ESRRB: variants seen among roughly 807,000 people sequenced by gnomAD.
ESRRB encodes the protein estrogen related receptor beta.
Under a neutral mutation model 46.0 loss-of-function variants are expected in ESRRB, and 16 were observed. That is an observed-to-expected ratio of 0.35 (90% CI 0.24 to 0.53). The LOEUF (loss-of-function observed/expected upper bound fraction) is 0.53. Ranked by LOEUF, ESRRB falls within the 20% of genes least tolerant of loss-of-function variation. ESRRB has a pLI of 0.93. For synonymous variants in ESRRB, 246 were observed against 259.6 expected, an observed-to-expected ratio of 0.95 and a Z score of 0.50; for missense variants, 488 against 607.4, an observed-to-expected ratio of 0.80 and a Z score of 2.07.
intron 2 of ESRRB, among the ~76,000 whole-genome samples, chr14:76,449,134 A>G (rs1422081143): frequency 6.6e-6 from 1 of 152,018 alleles, no homozygotes; most frequent in Non-Finnish European, 1.5e-5. Flanking sequence ...CCATAAGGGG[A>G]GTTCTTTTTT....
intron 1 of ESRRB, among the ~76,000 whole-genome samples, chr14:76,413,491 G>T (rs900502516): frequency 6.6e-6 from 1 of 152,038 alleles, no homozygotes; most frequent in African/African-American, 2.4e-5. Context: ...ACACCTACTT[G>T]TCCTTCAAGA....
chr14:76,475,468 G>A (rs781112068), intron 3 of ESRRB, among the ~76,000 whole-genome samples: 2 of 151,934 alleles, frequency 1.3e-5, no homozygotes, highest in African/African-American at 2.4e-5. Flanking sequence ...TTTTTAAAGT[G>A]CATTCATGTT....
chr14:76,499,628 T>C lies in ESRRB; in HGVS notation c.*1170T>C. 1.7e-6 allele frequency: 1 copy of C among 582,538 alleles called. No homozygotes were observed. 36.1% of individuals were successfully genotyped at this position (582,538 alleles called of 1,614,324 possible). A position where few individuals can be genotyped will look rare whatever the true frequency, so the allele number is the denominator to read the frequency against. Reference sequence around the variant, plus strand: ...CCTACCACACTTGGGCTACCAGAGGTTTGGTGTAGCTCCCCTGGGCACCGC... The same window carrying C: ...CCTACCACACTTGGGCTACCAGAGGCTTGGTGTAGCTCCCCTGGGCACCGC... On this transcript the variant is annotated 3_prime_UTR_variant, in exon 7 of 7. Coordinates refer to ENST00000644823, the MANE Select transcript of ESRRB (RefSeq NM_001379180.1).
At chr14:76,491,321 C>A in intron 5 of ESRRB, 126 bp from the exon 6 acceptor site, 1 of 875,958 alleles carries the variant, frequency 1.1e-6, no homozygotes, top group Non-Finnish European at 1.8e-6. Context: ...GGGGCAGGAT[C>A]CAGGGGTGCC....
At chr14:76,434,300 G>C (rs931123257) in intron 1 of ESRRB, among the ~76,000 whole-genome samples, 1 of 152,184 alleles carries the variant, frequency 6.6e-6, no homozygotes, top group African/African-American at 2.4e-5. Flanking sequence ...AGAGAGCACT[G>C]TGCCTCTCTC....
chr14:76,352,011 C>CAAAAAAAAAAAAAAAA (rs1884319857), intron 1 of ESRRB, among the ~76,000 whole-genome samples: 3 of 109,042 alleles, frequency 2.8e-5, no homozygotes, highest in East Asian at 2.4e-4. Context: ...AAAAAAAAAG[C>CAAAAAAAAAAAAAAAA]AAACTCCAAG....
chr14:76,456,038 GCACACACACACACACACA>G (rs60824171), intron 2 of ESRRB, among the ~76,000 whole-genome samples: 1 of 137,290 alleles, frequency 7.3e-6, no homozygotes, highest in South Asian at 2.5e-4. Flanking sequence ...AGCGAAACTC[GCACACACACACACACACA>G]CACACACACA....
chr14:76,381,963 C>T (rs906610952), intron 1 of ESRRB, among the ~76,000 whole-genome samples: 8 of 152,184 alleles, frequency 5.3e-5, no homozygotes, highest in Non-Finnish European at 1.2e-4. Context: ...CTCTAAGGTG[C>T]CCTTCTGTAC....
chr14:76,458,998 C>T (rs1888740259), intron 2 of ESRRB, among the ~76,000 whole-genome samples: 1 of 152,092 alleles, frequency 6.6e-6, no homozygotes, highest in African/African-American at 2.4e-5. Context: ...GTGTGCACCA[C>T]CACACCTGGC....
intron 2 of ESRRB, among the ~76,000 whole-genome samples, chr14:76,447,050 C>G (rs1372129188): frequency 1.3e-5 from 2 of 152,202 alleles, no homozygotes; most frequent in Non-Finnish European, 1.5e-5. Context: ...GATGCACTCT[C>G]TTCCATGTTC....
chr14:76,450,815 G>A (rs914327742), intron 2 of ESRRB, among the ~76,000 whole-genome samples: 7 of 152,160 alleles, frequency 4.6e-5, no homozygotes, highest in African/African-American at 1.7e-4. Flanking sequence ...TGCTGGTCCC[G>A]GCCCAGTCAC....
At chr14:76,389,477 G>C (rs1478438323) in intron 1 of ESRRB, among the ~76,000 whole-genome samples, 2 of 152,194 alleles carry the variant, frequency 1.3e-5, no homozygotes, top group East Asian at 3.8e-4. Flanking sequence ...GGGAGCCCTT[G>C]GGGGAAAAGA....
upstream of ESRRB, among the ~76,000 whole-genome samples, chr14:76,368,034 T>G (rs545170066): frequency 7.1e-6 from 1 of 141,088 alleles, no homozygotes; most frequent in Admixed American, 7.8e-5. Flanking sequence ...CTCACTGAAG[T>G]CCCCTCCTCC....
At chr14:76,384,644 C>T (rs555539259) in intron 1 of ESRRB, among the ~76,000 whole-genome samples, 10 of 152,288 alleles carry the variant, frequency 6.6e-5, no homozygotes, top group Admixed American at 1.3e-4. Flanking sequence ...CCACTACTGC[C>T]GGCTTCTATG....
At chr14:76,439,273 C>CG in intron 1 of ESRRB, 68 bp from the exon 2 acceptor site, 1 of 1,565,316 alleles carries the variant, frequency 6.4e-7, no homozygotes, top group Non-Finnish European at 8.8e-7. Context: ...ACCCTACCTG[C>CG]GGGGCTGGAC....
chr14:76,377,197 G>A (rs1438622339), intron 1 of ESRRB, among the ~76,000 whole-genome samples: 1 of 152,252 alleles, frequency 6.6e-6, no homozygotes, highest in East Asian at 1.9e-4. Context: ...GGCGCGGGCG[G>A]CAGCCGGCGC....
chr14:76,481,985 G>A, intron 3 of ESRRB, 31 bp from the exon 4 acceptor site: 2 of 1,596,406 alleles, frequency 1.3e-6, no homozygotes, highest in South Asian at 2.2e-5. Context: ...TTGAACAACT[G>A]CTGAGATCTT....
chr14:76,328,395 G>A (rs961215694), intron 1 of ESRRB, among the ~76,000 whole-genome samples: 3 of 152,140 alleles, frequency 2.0e-5, no homozygotes, highest in South Asian at 4.1e-4. Context: ...CCCCTGAGTC[G>A]GGGACCAGGA....
In ESRRB at chr14:76,376,382, G is replaced by T; in HGVS notation, c.-20G>T. ...CCCCGCCGTCTTTCTCTACCAACTG[G>T]GAATGCTAAAACGGGACTGATGGAC... On this transcript the variant is annotated 5_prime_UTR_variant, in exon 1 of 7. Coordinates refer to ENST00000644823, the MANE Select transcript of ESRRB (RefSeq NM_001379180.1). This position sits in a 1 kb window ranked among gnomAD's most constrained non-coding sequence, Gnocchi z 4.1. 8.1e-7 allele frequency: 1 copy of T among 1,231,550 alleles called. No individual in the cohort carries two copies. The highest frequency in any genetic ancestry group is 1.0e-6 in the Non-Finnish European group (1 of 987,862). The allele number at this position is 1,231,550 out of a possible 1,614,324, so 76.3% of individuals were successfully genotyped here.
Sources: gnomAD v4.1 joint callset for allele counts (sites outside exome capture counted in the v4.1 genomes callset) on GRCh38, gnomAD v4.1.1 for gene constraint, Gnocchi (gnomAD v3.1) non-coding constraint, MANE v1.5 for transcripts, NCBI Gene and HGNC (gene_info 2026-07-23, HGNC 2026-07-21) for gene names.